Variants in PDK1 observed in about 807,000 individuals in gnomAD.
The protein encoded by PDK1 is [Pyruvate dehydrogenase (acetyl-transferring)] kinase isozyme 1, mitochondrial.
PDK1 carries 39 observed loss-of-function variants against 54.2 expected under a neutral mutation model. The observed-to-expected ratio is 0.72, with a 90% CI of 0.56 to 0.94. The LOEUF is 0.94. PDK1 is among the 40% of genes least tolerant of loss of function. PDK1 has a pLI of 0.00. For missense variants in PDK1, 552 were observed against 566.0 expected (o/e 0.98, Z 0.25); for synonymous variants, 221 against 207.1 (o/e 1.07, Z -0.58).
chr2:172,717,692 G>A, the PDK1 span, among the ~76,000 whole-genome samples: 1 of 152,076 alleles, frequency 6.6e-6, no homozygotes, highest in African/African-American at 2.4e-5. Flanking sequence ...TTTATTCCAA[G>A]CCTATTAGTA....
chr2:172,568,788 C>G lies in PDK1; in HGVS notation c.817C>G (p.Leu273Val). 1 of 1,606,714 alleles carries G rather than the reference C, an allele frequency of 6.2e-7. No homozygotes were observed. Among genetic ancestry groups the G allele is most frequent in the South Asian group, 1.1e-5 (1 of 90,934 alleles). The change falls in exon 7 of 11, where the codon CTC becomes GTC. Residue 273 changes from leucine (L) to valine (V), a missense_variant. Coordinates refer to ENST00000282077, the MANE Select transcript of PDK1 (RefSeq NM_002610.5). ...PIQVVYVPSH[L>V]YHMVFELFKN... Reference sequence around the variant, plus strand: ...ACAAGTGGTTTATGTACCATCCCATCTCTATCACATGGTGTTTGAACTTTT... The same window carrying G: ...ACAAGTGGTTTATGTACCATCCCATGTCTATCACATGGTGTTTGAACTTTT...
At chr2:172,568,621 C>A in intron 6 of PDK1, 120 bp from the exon 7 acceptor site, 1 of 662,216 alleles carries the variant, frequency 1.5e-6, no homozygotes. Flanking sequence ...TGGCAGTTCT[C>A]CCCCAGGTAA....
chr2:172,709,316 A>G, the PDK1 span, among the ~76,000 whole-genome samples: 1 of 152,136 alleles, frequency 6.6e-6, no homozygotes, highest in African/African-American at 2.4e-5. Context: ...AAACTCAAAC[A>G]TCTTATTTTT....
chr2:172,615,489 G>A, the PDK1 span, among the ~76,000 whole-genome samples: 243 of 152,198 alleles, frequency 1.6e-3, no homozygotes, highest in African/African-American at 5.6e-3. Context: ...CAGGTGTGGT[G>A]GTGCGTGCCT....
At chr2:172,590,835 T>C (rs906191637) in intron 9 of PDK1, among the ~76,000 whole-genome samples, 6 of 142,710 alleles carry the variant, frequency 4.2e-5, no homozygotes, top group South Asian at 2.2e-4. Context: ...AGAGTGCTGA[T>C]TGGTGCATTT....
At chr2:172,673,470 C>T in the PDK1 span, among the ~76,000 whole-genome samples, 1,231 of 152,294 alleles carry the variant, frequency 8.1e-3, 4 homozygotes, top group Middle Eastern at 0.024. Context: ...TATTGGGAAA[C>T]TGCCTTTCCC....
chr2:172,711,865 C>CAAAAAAAAAAA, the PDK1 span, among the ~76,000 whole-genome samples: 135 of 22,778 alleles, frequency 5.9e-3, 18 homozygotes, highest in East Asian at 0.09. Context: ...GAACCTAGCT[C>CAAAAAAAAAAA]AAAAAAAAAA....
At chr2:172,595,044 A>G (rs1216167241) in intron 10 of PDK1, among the ~76,000 whole-genome samples, 1 of 152,184 alleles carries the variant, frequency 6.6e-6, no homozygotes, top group Non-Finnish European at 1.5e-5. Context: ...ATTTCTATTT[A>G]TTAATAATGT....
At chr2:172,571,794 A>G (rs1574485774) in intron 8 of PDK1, among the ~76,000 whole-genome samples, 1 of 137,196 alleles carries the variant, frequency 7.3e-6, no homozygotes, top group South Asian at 2.3e-4. Flanking sequence ...TGTAGGCCTC[A>G]TTACTCAGAG....
chr2:172,645,260 C>CCT, the PDK1 span, among the ~76,000 whole-genome samples: 1 of 51,128 alleles, frequency 2.0e-5, no homozygotes, highest in Non-Finnish European at 3.5e-5. Context: ...ACAAAATAGG[C>CCT]TTTTTTTTTT....
At chr2:172,720,762 G>A in the PDK1 span, among the ~76,000 whole-genome samples, 1 of 152,140 alleles carries the variant, frequency 6.6e-6, no homozygotes, top group South Asian at 2.1e-4. Flanking sequence ...TAGCTGTAAT[G>A]GGTTTTCATC....
At chr2:172,608,833 C>T (rs1332141341), downstream of PDK1, among the ~76,000 whole-genome samples, 2 of 152,142 alleles carry the variant, frequency 1.3e-5, no homozygotes, top group Admixed American at 1.3e-4. Flanking sequence ...AGACATCCAC[C>T]ATCCACAGAT....
chr2:172,565,495 G>C (rs1197990871), intron 5 of PDK1, among the ~76,000 whole-genome samples: 2 of 152,034 alleles, frequency 1.3e-5, no homozygotes, highest in Non-Finnish European at 2.9e-5. Context: ...GTGCAGGCAG[G>C]GTTTTACCAT....
chr2:172,620,675 T>C, the PDK1 span, among the ~76,000 whole-genome samples: 1 of 152,140 alleles, frequency 6.6e-6, no homozygotes, highest in African/African-American at 2.4e-5. Flanking sequence ...ATCCCCTTGG[T>C]GCTGTCTTCA....
At chr2:172,629,346 A>G in the PDK1 span, among the ~76,000 whole-genome samples, 2 of 152,110 alleles carry the variant, frequency 1.3e-5, no homozygotes, top group African/African-American at 2.4e-5. Flanking sequence ...TCCTGTACCC[A>G]TGAAAACCCC....
the PDK1 span, among the ~76,000 whole-genome samples, chr2:172,620,113 C>T: frequency 6.6e-6 from 1 of 152,162 alleles, no homozygotes; most frequent in Non-Finnish European, 1.5e-5. Context: ...TTGTGGTGAG[C>T]CAAGATCACA....
chr2:172,556,555 CT>C, intron 1 of PDK1: 1 of 429,476 alleles, frequency 2.3e-6, no homozygotes, highest in Admixed American at 4.5e-5. Context: ...GGGCGTGTGG[CT>C]TTGACCGTAT....
rs528812433 is a variant in PDK1, at chr2:172,579,510, C to T, written c.946-6768C>T. 2.3e-3 allele frequency among the ~76,000 whole-genome samples: 343 copies of T among 150,128 alleles called. 1 individual carries two copies. Among genetic ancestry groups the T allele is most frequent in the Non-Finnish European group, 3.8e-3 (255 of 67,834 alleles). ...AGATTCTAAATGATTTTTGCACCCC[C>T]CTCCCCCGCTCTTTCTTTTTTTTTT... On this transcript the variant is annotated intron_variant, in intron 8 of 10. Transcript: ENST00000282077.
chr2:172,655,389 C>A, the PDK1 span, among the ~76,000 whole-genome samples: 1 of 152,228 alleles, frequency 6.6e-6, no homozygotes, highest in Non-Finnish European at 1.5e-5. Flanking sequence ...CTTGCTGATT[C>A]ACTTCCAGTG....
Sources: allele counts gnomAD v4.1 joint callset (sites outside exome capture counted in the v4.1 genomes callset), GRCh38; gene constraint gnomAD v4.1.1; transcripts MANE v1.5; gene names NCBI Gene and HGNC (gene_info 2026-07-23, HGNC 2026-07-21).